RARB: variants seen among roughly 807,000 people sequenced by gnomAD.
The protein encoded by RARB is HBV-activated protein.
RARB carries 17 observed loss-of-function variants against 51.9 expected under a neutral mutation model. The observed-to-expected ratio is 0.33, with a 90% CI of 0.22 to 0.49. The LOEUF (loss-of-function observed/expected upper bound fraction) is 0.49. RARB is among the 20% of genes least tolerant of loss of function. RARB has a pLI of 0.99. For synonymous variants in RARB, 215 were observed against 195.4 expected (o/e 1.10, Z -0.84); for missense variants, 369 against 550.8 (o/e 0.67, Z 3.30).
intron 3 of RARB, among the ~76,000 whole-genome samples, chr3:25,510,198 C>A (rs991070814): frequency 7.2e-5 from 11 of 152,208 alleles, no homozygotes; most frequent in African/African-American, 2.4e-4. Flanking sequence ...GGTATACACC[C>A]ATGGGTCTTA....
intron 2 of RARB, among the ~76,000 whole-genome samples, chr3:25,015,903 C>A (rs2125282182): frequency 6.6e-6 from 1 of 152,276 alleles, no homozygotes; most frequent in South Asian, 2.1e-4. Context: ...ATCATGTTGA[C>A]CCCTCCTACC....
At chr3:24,960,686 G>A (rs1696120005) in intron 2 of RARB, among the ~76,000 whole-genome samples, 1 of 151,826 alleles carries the variant, frequency 6.6e-6, no homozygotes, top group African/African-American at 2.4e-5. Flanking sequence ...TTAACACCTG[G>A]CAAGGTAGCT....
At chr3:24,908,755 T>C (rs1694927380) in intron 2 of RARB, among the ~76,000 whole-genome samples, 1 of 142,980 alleles carries the variant, frequency 7.0e-6, no homozygotes, top group Non-Finnish European at 1.5e-5. Context: ...AAAGGAAATG[T>C]TGAGACCTTA....
At chr3:25,384,991 A>G (rs1461903332) in intron 5 of RARB, among the ~76,000 whole-genome samples, 1 of 152,180 alleles carries the variant, frequency 6.6e-6, no homozygotes, top group Non-Finnish European at 1.5e-5. Context: ...TTTGTCATAA[A>G]TGCATCATAA....
chr3:25,012,800 T>G (rs1033856823), intron 2 of RARB, among the ~76,000 whole-genome samples: 1 of 152,126 alleles, frequency 6.6e-6, no homozygotes, highest in African/African-American at 2.4e-5. Flanking sequence ...AATTTGATTA[T>G]TGTTTGGCTT....
intron 5 of RARB, among the ~76,000 whole-genome samples, chr3:25,416,948 T>A (rs1707720850): frequency 6.6e-6 from 1 of 152,212 alleles, no homozygotes; most frequent in African/African-American, 2.4e-5. Flanking sequence ...AGTTATGCTC[T>A]GGCTCACCAA....
chr3:24,906,558 G>T (rs914730347), intron 2 of RARB, among the ~76,000 whole-genome samples: 1 of 152,066 alleles, frequency 6.6e-6, no homozygotes, highest in African/African-American at 2.4e-5. Flanking sequence ...TTAAAGCTAC[G>T]CTGGCTGGGA....
chr3:25,088,072 G>A (rs1699133411), intron 3 of RARB, among the ~76,000 whole-genome samples: 1 of 151,934 alleles, frequency 6.6e-6, no homozygotes, highest in Non-Finnish European at 1.5e-5. Flanking sequence ...CCAAAAATAA[G>A]TAGAAATTGG....
intron 2 of RARB, among the ~76,000 whole-genome samples, chr3:25,039,584 A>T (rs62228512): frequency 0.06 from 9,200 of 152,340 alleles, 373 homozygotes; most frequent in Middle Eastern, 0.095. Flanking sequence ...ACTGTGGATT[A>T]TGTTGTTAAA....
chr3:25,050,781 TAATC>T (rs889164647), intron 2 of RARB, among the ~76,000 whole-genome samples: 3 of 152,242 alleles, frequency 2.0e-5, no homozygotes, highest in Non-Finnish European at 2.9e-5. Flanking sequence ...ATATCATAAT[TAATC>T]AATATTCAAC....
At chr3:25,586,883 C>T (rs890220592) in intron 5 of RARB, among the ~76,000 whole-genome samples, 2 of 152,212 alleles carry the variant, frequency 1.3e-5, no homozygotes, top group Non-Finnish European at 2.9e-5. Context: ...GGCGTCTGTG[C>T]CATCACGAGG....
intron 2 of RARB, among the ~76,000 whole-genome samples, chr3:24,997,021 A>G (rs974106021): frequency 2.0e-5 from 3 of 152,086 alleles, no homozygotes; most frequent in African/African-American, 2.4e-5. Context: ...TTGTTTTTCT[A>G]TCTACACGAT....
At chr3:24,838,080 A>G (rs950362154) in intron 1 of RARB, among the ~76,000 whole-genome samples, 1 of 152,184 alleles carries the variant, frequency 6.6e-6, no homozygotes, top group Non-Finnish European at 1.5e-5. Flanking sequence ...ATGTGGTTCT[A>G]AGACTAAAGT....
chr3:25,164,079 C>A (rs1575189920), intron 4 of RARB, among the ~76,000 whole-genome samples: 1 of 151,942 alleles, frequency 6.6e-6, no homozygotes, highest in African/African-American at 2.4e-5. Context: ...AGACTGGCTG[C>A]CTGGCTTGAT....
intron 4 of RARB, among the ~76,000 whole-genome samples, chr3:25,142,465 A>C (rs1403243229): frequency 6.6e-6 from 1 of 152,216 alleles, no homozygotes; most frequent in Admixed American, 6.5e-5. Context: ...GGATACCTTT[A>C]TAAGCTACAC....
At chr3:25,210,529 CTTTTTTTT>C (rs773846113) in intron 5 of RARB, among the ~76,000 whole-genome samples, 7 of 27,618 alleles carry the variant, frequency 2.5e-4, no homozygotes, top group South Asian at 1.6e-3. Context: ...TTATCTGATT[CTTTTTTTT>C]TTTTTTTTTT....
chr3:25,023,161 AG>A (rs1697673640), intron 2 of RARB, among the ~76,000 whole-genome samples: 1 of 152,106 alleles, frequency 6.6e-6, no homozygotes, highest in Non-Finnish European at 1.5e-5. Flanking sequence ...CTGGGTCTCA[AG>A]TCCATAGTAG....
intron 2 of RARB, among the ~76,000 whole-genome samples, chr3:24,978,024 G>C (rs959055083): frequency 6.6e-6 from 1 of 151,502 alleles, no homozygotes; most frequent in African/African-American, 2.4e-5. Flanking sequence ...TGTGATTTTT[G>C]TTGGTTCTGT....
At position 25,371,218 on chromosome 3, in the gene RARB, T is replaced by A. The variant is rs1706288448; in HGVS notation, c.179-89975T>A. 2.0e-5 allele frequency among the ~76,000 whole-genome samples: 3 copies of A among 152,320 alleles called. No homozygotes were observed. The South Asian group carries it at 6.2e-4, about 32-fold the overall frequency. ...TTCGCTCATGAGAGCTGTGCCCTCA[T>A]GAATGGATTAATACCATTATTTTGG... On this transcript the variant is annotated intron_variant, in intron 5 of 11. Transcript: ENST00000383772.
Sources: allele counts gnomAD v4.1 joint callset (sites outside exome capture counted in the v4.1 genomes callset), GRCh38; gene constraint gnomAD v4.1.1; transcripts MANE v1.5; gene names NCBI Gene and HGNC (gene_info 2026-07-23, HGNC 2026-07-21).